The following ADGRB3 variants were observed in gnomAD, a reference collection of about 807,000 sequenced individuals.
ADGRB3 encodes the protein brain-specific angiogenesis inhibitor 3.
Under a neutral mutation model 193.4 loss-of-function variants are expected in ADGRB3, and 37 were observed. The ratio of observed to expected loss-of-function variants is 0.19; its 90% confidence interval spans 0.15 to 0.25. The LOEUF (loss-of-function observed/expected upper bound fraction) is 0.25. Ranked by LOEUF, ADGRB3 falls within the 10% of genes least tolerant of loss-of-function variation. The pLI is 1.00. For synonymous variants in ADGRB3, 690 were observed against 644.2 expected, an observed-to-expected ratio of 1.07 and a Z score of -1.08; for missense variants, 1,637 against 1,852.9, an observed-to-expected ratio of 0.88 and a Z score of 2.14.
intron 3 of ADGRB3, among the ~76,000 whole-genome samples, chr6:68,819,724 TA>T (rs1767712582): frequency 6.6e-6 from 1 of 152,004 alleles, no homozygotes; most frequent in Admixed American, 6.6e-5. Flanking sequence ...TTAAAATTGA[TA>T]AAAATAGATA....
rs1331480072 is a variant in ADGRB3, at chr6:68,942,965, G to T, written c.1031-865G>T. On this transcript the variant is annotated intron_variant, in intron 5 of 31. Transcript: ENST00000370598. The stretch of plus-strand genomic sequence containing the variant: ...AAATATAACAATACTTATTCACAGT[G>T]GTTATTCTGAAAGAACACAAATTAT... Among the ~76,000 whole-genome samples, 4 of 152,090 alleles carry T rather than the reference G, an allele frequency of 2.6e-5. No homozygotes were observed. The East Asian group carries it at 7.7e-4, about 29-fold the overall frequency.
intron 17 of ADGRB3, among the ~76,000 whole-genome samples, chr6:69,184,655 T>C (rs1419492269): frequency 6.6e-6 from 1 of 152,100 alleles, no homozygotes; most frequent in Non-Finnish European, 1.5e-5. Context: ...TTTATTTTAT[T>C]AGTGTTTTCA....
chr6:69,032,079 G>C (rs948123956), intron 13 of ADGRB3, among the ~76,000 whole-genome samples: 1 of 152,156 alleles, frequency 6.6e-6, no homozygotes, highest in Non-Finnish European at 1.5e-5. Flanking sequence ...ACTTTAACTA[G>C]GAAAATTTTC....
intron 17 of ADGRB3, among the ~76,000 whole-genome samples, chr6:69,224,251 C>A (rs963791065): frequency 2.6e-5 from 4 of 151,950 alleles, no homozygotes; most frequent in Non-Finnish European, 5.9e-5. Flanking sequence ...ATCTTGGATG[C>A]ACTATGTTAT....
intron 21 of ADGRB3, among the ~76,000 whole-genome samples, chr6:69,326,757 A>T (rs1010086864): frequency 6.6e-6 from 1 of 152,134 alleles, no homozygotes; most frequent in Non-Finnish European, 1.5e-5. Context: ...ATCAAAAAAA[A>T]TCAACAAATG....
chr6:68,875,895 A>G (rs1765582468), intron 3 of ADGRB3, among the ~76,000 whole-genome samples: 2 of 152,086 alleles, frequency 1.3e-5, no homozygotes, highest in Non-Finnish European at 2.9e-5. Context: ...TATTTCCCCC[A>G]TATGATTATA....
chr6:68,881,567 G>T (rs1765730914), intron 3 of ADGRB3, among the ~76,000 whole-genome samples: 1 of 152,034 alleles, frequency 6.6e-6, no homozygotes, highest in African/African-American at 2.4e-5. Flanking sequence ...TGGATATTTG[G>T]GGATAAGTCA....
intron 6 of ADGRB3, among the ~76,000 whole-genome samples, chr6:68,949,666 C>T (rs1207088600): frequency 6.6e-6 from 1 of 152,164 alleles, no homozygotes; most frequent in Non-Finnish European, 1.5e-5. Flanking sequence ...AACTCAAATA[C>T]TGCCTCATTA....
chr6:69,155,834 A>G (rs1712136477), intron 17 of ADGRB3, among the ~76,000 whole-genome samples: 1 of 152,236 alleles, frequency 6.6e-6, no homozygotes, highest in Admixed American at 6.5e-5. Context: ...TAGAAGCTTC[A>G]AAGGAGAGAA....
At chr6:68,777,414 T>G (rs574345802) in intron 3 of ADGRB3, among the ~76,000 whole-genome samples, 2 of 152,244 alleles carry the variant, frequency 1.3e-5, no homozygotes, top group East Asian at 1.9e-4. Context: ...TTATTTTTCC[T>G]GCTGTGAATA....
intron 17 of ADGRB3, among the ~76,000 whole-genome samples, chr6:69,232,175 A>G (rs1215820532): frequency 6.6e-6 from 1 of 152,174 alleles, no homozygotes. Flanking sequence ...CTAGCTGGAT[A>G]ATTTCCATGC....
At chr6:69,191,757 T>C (rs775002451) in intron 17 of ADGRB3, among the ~76,000 whole-genome samples, 1 of 152,120 alleles carries the variant, frequency 6.6e-6, no homozygotes, top group Non-Finnish European at 1.5e-5. Context: ...AGACAGAGCC[T>C]TGTCTGAGAC....
intron 3 of ADGRB3, among the ~76,000 whole-genome samples, chr6:68,923,950 G>T (rs1028369998): frequency 6.6e-6 from 1 of 152,052 alleles, no homozygotes; most frequent in African/African-American, 2.4e-5. Flanking sequence ...GTTTTAGTCT[G>T]CTGTAAAGGT....
intron 20 of ADGRB3, among the ~76,000 whole-genome samples, chr6:69,313,542 TG>T (rs1768243691): frequency 6.6e-6 from 1 of 151,810 alleles, no homozygotes; most frequent in African/African-American, 2.4e-5. Flanking sequence ...TTGCTTTGCT[TG>T]TTGCAAGTTG....
chr6:68,789,840 C>G (rs967074890), intron 3 of ADGRB3, among the ~76,000 whole-genome samples: 2 of 152,124 alleles, frequency 1.3e-5, no homozygotes, highest in Non-Finnish European at 2.9e-5. Context: ...TTCTTGGAGG[C>G]TTTGTTCATT....
chr6:69,104,578 G>A (rs1383932288), intron 17 of ADGRB3, among the ~76,000 whole-genome samples: 1 of 151,982 alleles, frequency 6.6e-6, no homozygotes, highest in Non-Finnish European at 1.5e-5. Context: ...TAATAAAAAT[G>A]TATAGGCAAA....
intron 17 of ADGRB3, among the ~76,000 whole-genome samples, chr6:69,141,138 G>T (rs1774329283): frequency 8.0e-6 from 1 of 124,630 alleles, no homozygotes; most frequent in African/African-American, 2.8e-5. Context: ...TGGGGGGGGC[G>T]GTGGGGACGG....
Position 69,374,646 on chromosome 6 carries a change from T to C in ADGRB3, c.4275+2205T>C, listed in dbSNP as rs139872376. Among the ~76,000 whole-genome samples the C allele has an allele frequency of 2.6e-5, 4 of 152,182 alleles. No homozygotes were observed. The East Asian group carries it at 5.8e-4, about 22-fold the overall frequency. On this transcript the variant is annotated intron_variant, in intron 30 of 31. Transcript: ENST00000370598. ...CATGTAGCCAGTCTCCAGAACAGCA[T>C]TGCATTTCTGGATTCTTGCTTTCTG...
intron 3 of ADGRB3, among the ~76,000 whole-genome samples, chr6:68,816,051 T>C (rs1007301298): frequency 1.3e-5 from 2 of 151,820 alleles, no homozygotes; most frequent in African/African-American, 4.8e-5. Context: ...AAGTTAAAGA[T>C]CAAATAAAAT....
Sources: gnomAD v4.1 joint callset for allele counts (sites outside exome capture counted in the v4.1 genomes callset) on GRCh38, gnomAD v4.1.1 for gene constraint, MANE v1.5 for transcripts, NCBI Gene and HGNC (gene_info 2026-07-23, HGNC 2026-07-21) for gene names.